ATG2A: variants seen among roughly 807,000 people sequenced by gnomAD.
ATG2A encodes autophagy-related protein 2 homolog A.
ATG2A carries 103 observed loss-of-function variants against 214.2 expected under a neutral mutation model. That is an observed-to-expected ratio of 0.48 (90% CI 0.41 to 0.57). The LOEUF (loss-of-function observed/expected upper bound fraction) is 0.57, where lower values mean the gene tolerates loss of function less well. Ranked by LOEUF, ATG2A falls within the 20% of genes least tolerant of loss-of-function variation. ATG2A has a pLI of 0.00. For missense variants in ATG2A, 2,312 were observed against 2,613.2 expected (o/e 0.88, Z 2.51); for synonymous variants, 1,160 against 1,142.1 (o/e 1.02, Z -0.32).
chr11:64,894,709 C>T lies in ATG2A; in HGVS notation c.*264G>A, dbSNP rs1170005496. Reference sequence around the variant, plus strand: ...GGTCCGAGGGTCCAAAAGCCTCCGTCCTGGGAGAAGGCAGCAGTGTGGGCC... The same window carrying T: ...GGTCCGAGGGTCCAAAAGCCTCCGTTCTGGGAGAAGGCAGCAGTGTGGGCC... On this transcript the variant is annotated 3_prime_UTR_variant, in exon 41 of 41. Transcript: ENST00000377264. The T allele has an allele frequency of 1.4e-6, 1 of 691,352 alleles. No individual in the cohort carries two copies. Among genetic ancestry groups the T allele is most frequent in the South Asian group, 1.5e-5 (1 of 66,768 alleles). The allele number at this position is 691,352 out of a possible 1,614,324, so 42.8% of individuals were successfully genotyped here. A position where few individuals can be genotyped will look rare whatever the true frequency, so the allele number is the denominator to read the frequency against.
In ATG2A at chr11:64,914,146, G is replaced by A. The variant is rs771897284; in HGVS notation, c.422C>T (p.Pro141Leu). Residue 141 changes from proline (P) to leucine (L), a missense_variant, in exon 3 of 41, where the codon CCG becomes CTG. Transcript: ENST00000377264. ...LAQECLRDGL[P>L]EPSEPPQPLE... is the part of the protein sequence containing the mutation. Reference sequence around the variant, plus strand: ...GGGCTGTGGTGGCTCAGAGGGCTCCGGTAGCCCATCCCGCAGACACTCCTG... The same window carrying A: ...GGGCTGTGGTGGCTCAGAGGGCTCCAGTAGCCCATCCCGCAGACACTCCTG... 70 of 1,552,688 alleles carry A rather than the reference G, an allele frequency of 4.5e-5. No individual in the cohort carries two copies. The highest frequency in any genetic ancestry group is 5.8e-5 in the Non-Finnish European group (67 of 1,148,050).
Position 64,903,240 on chromosome 11 carries a change from C to T in ATG2A, c.3612+48G>A. The T allele has an allele frequency of 1.9e-6, 3 of 1,572,142 alleles. No individual in the cohort carries two copies. ...AGCAGCCCCTGAAGACTCCCTTGGC[C>T]CCTGCACCTGCTGTGGCTCCAGGAG... On this transcript the variant is annotated intron_variant, in intron 26 of 40. Coordinates refer to ENST00000377264, the MANE Select transcript of ATG2A (RefSeq NM_015104.3). This position sits in a 1 kb window ranked among gnomAD's most constrained non-coding sequence, Gnocchi z 4.2.
chr11:64,906,558 C>T (rs762906354), intron 20 of ATG2A, 25 bp from the exon 21 acceptor site: 8 of 1,610,114 alleles, frequency 5.0e-6, no homozygotes, highest in Non-Finnish European at 5.1e-6. Flanking sequence ...CATGAGCCCC[C>T]TGCCAAGCCA....
rs1944514789 is a variant in ATG2A, at chr11:64,905,604, G to C, written c.3423C>G (p.Leu1141=). 2 of 1,613,546 alleles carry C rather than the reference G, an allele frequency of 1.2e-6. No individual in the cohort carries two copies. Among genetic ancestry groups the C allele is most frequent in the Non-Finnish European group, 1.7e-6 (2 of 1,179,870 alleles). ...AGGTGTCCATGATGATGTTGCTGGAGAGAGTGAAGGTCTCCGCGGTGATGA... is the reference window on the plus strand; with the variant it reads ...AGGTGTCCATGATGATGTTGCTGGACAGAGTGAAGGTCTCCGCGGTGATGA... ...RVLITAETFT[L]SSNIIMDTST... Residue 1141 remains leucine, a synonymous_variant, in exon 24 of 41, where the codon CTC becomes CTG. Coordinates refer to ENST00000377264, the MANE Select transcript of ATG2A (RefSeq NM_015104.3).
At chr11:64,916,120 C>T (rs532762656) in intron 1 of ATG2A, among the ~76,000 whole-genome samples, 7 of 152,332 alleles carry the variant, frequency 4.6e-5, no homozygotes, top group African/African-American at 1.7e-4. Flanking sequence ...TTGGTGGCTC[C>T]TTCAAAGCTC....
In ATG2A at chr11:64,897,418, C is replaced by G. The variant is rs1251770098; in HGVS notation, c.5144G>C (p.Arg1715Thr). 1 of 1,563,348 alleles carries G rather than the reference C, an allele frequency of 6.4e-7. No individual in the cohort carries two copies. Among genetic ancestry groups the G allele is most frequent in the Non-Finnish European group, 8.7e-7 (1 of 1,153,646 alleles). The change falls in exon 37 of 41, where the codon AGG (arginine) becomes ACG (threonine). Residue 1715 changes from arginine (R) to threonine (T), a missense_variant. Physicochemically the swap from Arg to Thr is moderately conservative, Grantham distance 71. Transcript: ENST00000377264. ...TGGGGTGCTGGGGACTCACCCGTGCCTGCAACAGAGCCGCTTTAGCTTCAG... is the reference window on the plus strand; with the variant it reads ...TGGGGTGCTGGGGACTCACCCGTGCGTGCAACAGAGCCGCTTTAGCTTCAG... ...SELKLKRLCC[R>T]HGLLGVDKVL...
rs1164368588 is a variant in ATG2A, at chr11:64,912,226, G to T, written c.946C>A (p.Leu316Met). Residue 316 changes from leucine to methionine, a missense_variant, in exon 8 of 41, where the codon CTG becomes ATG. Coordinates refer to ENST00000377264, the MANE Select transcript of ATG2A (RefSeq NM_015104.3). ...LTDHEGLADK[L>M]NKSRPLGAED... is the part of the protein sequence containing the mutation. ...GCACCTAGCGGGCGGCTCTTGTTCA[G>T]CTTGTCAGCCAGGCCCTCGTGGTCT... is the stretch of plus-strand genomic sequence containing the variant. The T allele has an allele frequency of 7.4e-6, 12 of 1,613,322 alleles. No homozygotes were observed. The highest frequency in any genetic ancestry group is 2.2e-5 in the East Asian group (1 of 44,888).
chr11:64,900,718 C>G, intron 30 of ATG2A, 89 bp from the exon 31 acceptor site: 1 of 1,460,736 alleles, frequency 6.8e-7, no homozygotes, highest in Middle Eastern at 2.5e-4. Context: ...GACAAGAGAC[C>G]CCCGCTAGCC....
At position 64,898,044 on chromosome 11, in the gene ATG2A, G is replaced by T. The variant is rs1283186222; in HGVS notation, c.4858+42C>A. 2 of 1,610,096 alleles carry T rather than the reference G, an allele frequency of 1.2e-6. No individual in the cohort carries two copies. The highest frequency in any genetic ancestry group is 8.5e-7 in the Non-Finnish European group (1 of 1,178,694). The stretch of plus-strand genomic sequence containing the variant: ...CTGGGAACCTGTGCTGTCCTGGGAG[G>T]CAGAAGGCCCAGACGCTCCCCTCCC... On this transcript the variant is annotated intron_variant, in intron 34 of 40. Transcript: ENST00000377264. The surrounding 1 kb of genome is among the most constrained non-coding windows in gnomAD (Gnocchi z 4.5).
rs764792897 is a variant in ATG2A, at chr11:64,897,956, G to A, written c.4877C>T (p.Ala1626Val). The change falls in exon 35 of 41, where the codon GCC (alanine) becomes GTC (valine). Residue 1626 changes from alanine to valine, a missense_variant. Coordinates refer to ENST00000377264, the MANE Select transcript of ATG2A (RefSeq NM_015104.3). ...CCCTTCCAGGGGGCTGCTGGGCTGG[G>A]CTCGAGTCTCGGGGCGAGCTAGGGG... ...TSAEARPETRAQPSSPLEGQA... is the reference protein window; with the variant it reads ...TSAEARPETRVQPSSPLEGQA... 4.5e-6 allele frequency: 7 copies of A among 1,551,484 alleles called. No individual in the cohort carries two copies. In the South Asian group the frequency reaches 7.4e-5, roughly 16 times the overall value.
Position 64,913,123 on chromosome 11 carries a change from T to C in ATG2A, c.740A>G (p.Glu247Gly), listed in dbSNP as rs777028787. Reference protein sequence around the residue: ...EELPAQEEPPEPPLQIGSCSG... With the variant: ...EELPAQEEPPGPPLQIGSCSG... ...GCAGCTGCCGATCTGCAAGGGGGGC[T>C]CTGGAGGCTCTTCCTGGGAGACGGG... Residue 247 changes from glutamate to glycine, a missense_variant, in exon 6 of 41, where the codon GAG becomes GGG. Coordinates refer to ENST00000377264, the MANE Select transcript of ATG2A (RefSeq NM_015104.3). This position sits in a 1 kb window ranked among gnomAD's most constrained non-coding sequence, Gnocchi z 4.3. The C allele has an allele frequency of 1.1e-5, 18 of 1,579,948 alleles. No individual in the cohort carries two copies. Among genetic ancestry groups the C allele is most frequent in the Non-Finnish European group, 1.5e-5 (17 of 1,159,566 alleles).
At position 64,900,904 on chromosome 11, in the gene ATG2A, A is replaced by G. The variant is rs1944329408; in HGVS notation, c.4308T>C (p.Phe1436=). The G allele has an allele frequency of 2.6e-6, 4 of 1,564,070 alleles. No individual in the cohort carries two copies. Among genetic ancestry groups the G allele is most frequent in the East Asian group, 2.4e-5 (1 of 41,658 alleles). ...LVWHLYGGRD[F]GPHPGHRART... is the part of the protein sequence containing the mutation. Reference sequence around the variant, plus strand: ...CTCACCTGTGGCCGGGGTGGGGGCCAAAGTCTCGGCCCCCATAGAGGTGCC... The same window carrying G: ...CTCACCTGTGGCCGGGGTGGGGGCCGAAGTCTCGGCCCCCATAGAGGTGCC... Residue 1436 remains phenylalanine, a synonymous_variant, in exon 30 of 41, where the codon TTT becomes TTC. Coordinates refer to ENST00000377264, the MANE Select transcript of ATG2A (RefSeq NM_015104.3).
At chr11:64,912,605 C>T in intron 6 of ATG2A, 182 bp from the exon 7 acceptor site, 1 of 585,484 alleles carries the variant, frequency 1.7e-6, no homozygotes, top group Non-Finnish European at 3.0e-6. Context: ...TTTTTTTCTT[C>T]TTTTTGAGAT....
Position 64,898,355 on chromosome 11 carries a change from A to T in ATG2A, c.4679T>A (p.Ile1560Asn), listed in dbSNP as rs1289411215. The T allele has an allele frequency of 6.2e-7, 1 of 1,602,368 alleles. No homozygotes were observed. The highest frequency in any genetic ancestry group is 1.3e-5 in the African/African-American group (1 of 74,354). ...PRRAHSNMLT[I>N]KALHVAPTTN... ...AGTGGGGGCCACATGCAGCGCTTTG[A>T]TGGTGAGCTGGGAGCAGAGGGTGAG... Residue 1560 changes from isoleucine to asparagine, a missense_variant, in exon 33 of 41, where the codon ATC (isoleucine) becomes AAC (asparagine). Transcript: ENST00000377264. This position sits in a 1 kb window ranked among gnomAD's most constrained non-coding sequence, Gnocchi z 4.5.
chr11:64,913,391 A>G lies in ATG2A; in HGVS notation c.601T>C (p.Cys201Arg), dbSNP rs772688436. Residue 201 changes from cysteine to arginine, a missense_variant, in exon 5 of 41, where the codon TGT becomes CGT. Coordinates refer to ENST00000377264, the MANE Select transcript of ATG2A (RefSeq NM_015104.3). This position sits in a 1 kb window ranked among gnomAD's most constrained non-coding sequence, Gnocchi z 4.3. ...VEVRVQRLEYCDEAVRDPSQA... is the reference protein window; with the variant it reads ...VEVRVQRLEYRDEAVRDPSQA... ...CTTGGGTCCCGCACTGCCTCATCACAGTACTCCAGTCTGGAGAGTGTAGGG... is the reference window on the plus strand; with the variant it reads ...CTTGGGTCCCGCACTGCCTCATCACGGTACTCCAGTCTGGAGAGTGTAGGG... The G allele has an allele frequency of 2.5e-6, 4 of 1,592,316 alleles. No individual in the cohort carries two copies. In the African/African-American group the frequency reaches 5.4e-5, roughly 21 times the overall value.
Position 64,897,836 on chromosome 11 carries a change from T to A in ATG2A, c.4994+3A>T, listed in dbSNP as rs1170799202. On this transcript the variant is annotated splice_donor_region_variant and intron_variant, in intron 35 of 40. Coordinates refer to ENST00000377264, the MANE Select transcript of ATG2A (RefSeq NM_015104.3). ...GCCCCCCACCCGCAGTCCAGCAGCC[T>A]ACCTGAAGTAGATGGGCTGCTGGTC... 3 of 1,610,008 alleles carry A rather than the reference T, an allele frequency of 1.9e-6. No individual in the cohort carries two copies. The highest frequency in any genetic ancestry group is 2.5e-6 in the Non-Finnish European group (3 of 1,177,484).
In ATG2A at chr11:64,913,573, C is replaced by T. The variant is rs1320566920; in HGVS notation, c.591-172G>A. On this transcript the variant is annotated intron_variant, in intron 4 of 40. Transcript: ENST00000377264. The surrounding 1 kb of genome is among the most constrained non-coding windows in gnomAD (Gnocchi z 4.3). The stretch of plus-strand genomic sequence containing the variant: ...GTCCAGCCCGGAGGCTCAGGCCAGC[C>T]CTTGCTCCTCAGACCCTCAGCATCT... 7.3e-6 allele frequency: 7 copies of T among 954,416 alleles called. No homozygotes were observed. The African/African-American group carries it at 1.2e-4, about 16-fold the overall frequency. The allele number at this position is 954,416 out of a possible 1,614,324, so 59.1% of individuals were successfully genotyped here.
In ATG2A at chr11:64,910,722, C is replaced by A; in HGVS notation, c.1615-14G>T. On this transcript the variant is annotated splice_polypyrimidine_tract_variant and intron_variant, in intron 11 of 40. Coordinates refer to ENST00000377264, the MANE Select transcript of ATG2A (RefSeq NM_015104.3). ...AAAGGTCAGGATCTGGGATGGGACC[C>A]GGGAGGCACACAGGGTCAGGCCTGG... is the stretch of plus-strand genomic sequence containing the variant. 6.2e-7 allele frequency: 1 copy of A among 1,609,530 alleles called. No homozygotes were observed.
chr11:64,895,488 ACG>A lies in ATG2A; in HGVS notation c.5428-48_5428-47del. 1 of 1,485,610 alleles carries A rather than the reference ACG, an allele frequency of 6.7e-7. No individual in the cohort carries two copies. The highest frequency in any genetic ancestry group is 1.3e-5 in the South Asian group (1 of 74,478). The allele number at this position is 1,485,610 out of a possible 1,614,324, so 92.0% of individuals were successfully genotyped here. Reference sequence around the variant, plus strand: ...GGATGAGGACAGCTGGCTGGGGCACACGTCAGCCCCAGGCCCCCAGGACAGTC... The same window carrying A: ...GGATGAGGACAGCTGGCTGGGGCACATCAGCCCCAGGCCCCCAGGACAGTC... On this transcript the variant is annotated intron_variant, in intron 39 of 40. Coordinates refer to ENST00000377264, the MANE Select transcript of ATG2A (RefSeq NM_015104.3). The surrounding 1 kb of genome is among the most constrained non-coding windows in gnomAD (Gnocchi z 5.0).
Sources: gnomAD v4.1 joint callset for allele counts (sites outside exome capture counted in the v4.1 genomes callset) on GRCh38, gnomAD v4.1.1 for gene constraint, Gnocchi (gnomAD v3.1) non-coding constraint, MANE v1.5 for transcripts, NCBI Gene and HGNC (gene_info 2026-07-23, HGNC 2026-07-21) for gene names.